SCUBE3: variants seen among roughly 807,000 people sequenced by gnomAD.
The protein encoded by SCUBE3 is signal peptide, CUB domain and EGF like domain containing 3, also known as signal peptide, CUB and EGF-like domain-containing protein 3.
Under a neutral mutation model 116.8 loss-of-function variants are expected in SCUBE3, and 33 were observed. The observed-to-expected ratio is 0.28, with a 90% CI of 0.21 to 0.38. The LOEUF is 0.38. SCUBE3 is among the 10% of genes least tolerant of loss of function. The probability of loss-of-function intolerance (pLI) is 1.00; values close to 1 mark genes in which losing one functional copy is unlikely to be tolerated. For synonymous variants in SCUBE3, 418 were observed against 496.9 expected, an observed-to-expected ratio of 0.84 and a Z score of 2.11; for missense variants, 1,007 against 1,324.8, an observed-to-expected ratio of 0.76 and a Z score of 3.72.
At position 35,228,582 on chromosome 6, in the gene SCUBE3, G is replaced by C. The variant is rs370279102; in HGVS notation, c.209-32G>C. 2 of 1,611,414 alleles carry C rather than the reference G, an allele frequency of 1.2e-6. No homozygotes were observed. The highest frequency in any genetic ancestry group is 1.7e-6 in the Non-Finnish European group (2 of 1,178,512). On this transcript the variant is annotated intron_variant, in intron 2 of 21. Coordinates refer to ENST00000274938, the MANE Select transcript of SCUBE3 (RefSeq NM_152753.4). This position sits in a 1 kb window ranked among gnomAD's most constrained non-coding sequence, Gnocchi z 4.9. Reference sequence around the variant, plus strand: ...GGGTGGACAGTGGGTTCGCAGGTGGGTTCAGCTGTCTCAGCTTCCCTTTGC... The same window carrying C: ...GGGTGGACAGTGGGTTCGCAGGTGGCTTCAGCTGTCTCAGCTTCCCTTTGC...
In SCUBE3 at chr6:35,245,027, A is replaced by G. The variant is rs1409341444; in HGVS notation, c.2402-201A>G. ...CCCTGGAGACAGTTAATGAGGAAGC[A>G]GAGACAGGTGAAGTGAGAAGAGAAG... On this transcript the variant is annotated intron_variant, in intron 18 of 21. Coordinates refer to ENST00000274938, the MANE Select transcript of SCUBE3 (RefSeq NM_152753.4). This position sits in a 1 kb window ranked among gnomAD's most constrained non-coding sequence, Gnocchi z 4.2. Among the ~76,000 whole-genome samples the G allele has an allele frequency of 6.6e-6, 1 of 152,218 alleles. No homozygotes were observed. Among genetic ancestry groups the G allele is most frequent in the Non-Finnish European group, 1.5e-5 (1 of 68,034 alleles).
At chr6:35,221,458 A>G (rs956133083) in intron 1 of SCUBE3, 1 of 152,268 alleles carries the variant, frequency 6.6e-6, no homozygotes, top group South Asian at 2.1e-4. Flanking sequence ...CTGAGGTAAC[A>G]TAGAGCAGAA....
chr6:35,242,256 C>T lies in SCUBE3; in HGVS notation c.1470C>T (p.Ala490=). 1 of 1,614,080 alleles carries T rather than the reference C, an allele frequency of 6.2e-7. No homozygotes were observed. Among genetic ancestry groups the T allele is most frequent in the South Asian group, 1.1e-5 (1 of 91,060 alleles). ...KQRASFKIKD[A]KCRLHLRNKG... is the part of the protein sequence containing the mutation. ...GGGCCTCCTTCAAGATCAAGGATGC[C>T]AAATGCCGTTTGCACCTGCGAAACA... Residue 490 remains alanine, a synonymous_variant, in exon 13 of 22, where the codon GCC becomes GCT. Transcript: ENST00000274938.
At chr6:35,229,663 G>A (rs1226366505) in intron 3 of SCUBE3, among the ~76,000 whole-genome samples, 1 of 152,098 alleles carries the variant, frequency 6.6e-6, no homozygotes, top group African/African-American at 2.4e-5. Flanking sequence ...TTTGTCCCAG[G>A]AGCTGGATCA....
intron 1 of SCUBE3, chr6:35,222,588 C>T (rs779968644): frequency 6.6e-6 from 1 of 152,252 alleles, no homozygotes. Context: ...CACCACTCTC[C>T]CCCACCTCAA....
intron 13 of SCUBE3, 140 bp downstream of exon 13, chr6:35,242,460 C>A: frequency 2.2e-6 from 2 of 888,974 alleles, no homozygotes; most frequent in Non-Finnish European, 1.8e-6. Context: ...GGCATAGCAC[C>A]CAAGGAAGTC....
At position 35,236,295 on chromosome 6, in the gene SCUBE3, C is replaced by T. The variant is rs377176960; in HGVS notation, c.713-1607C>T. Among the ~76,000 whole-genome samples, 17 of 152,328 alleles carry T rather than the reference C, an allele frequency of 1.1e-4. No homozygotes were observed. In the South Asian group the frequency reaches 3.5e-3, roughly 32 times the overall value. On this transcript the variant is annotated intron_variant, in intron 6 of 21. Coordinates refer to ENST00000274938, the MANE Select transcript of SCUBE3 (RefSeq NM_152753.4). Reference sequence around the variant, plus strand: ...AATGCCGTCCTGCACAGGTGGGCGGCTATGCCCAGCTTTCTGTCCAGCCTG... The same window carrying T: ...AATGCCGTCCTGCACAGGTGGGCGGTTATGCCCAGCTTTCTGTCCAGCCTG...
At chr6:35,247,883 A>C (rs1044222294) in intron 21 of SCUBE3, among the ~76,000 whole-genome samples, 5 of 152,196 alleles carry the variant, frequency 3.3e-5, no homozygotes, top group Admixed American at 2.0e-4. Flanking sequence ...AAAGGCCTCT[A>C]AGGAGAAGAG....
rs1219418582 is a variant in SCUBE3, at chr6:35,242,298, G to A, written c.1512G>A (p.Glu504=). The A allele has an allele frequency of 1.2e-6, 2 of 1,613,624 alleles. No individual in the cohort carries two copies. Among genetic ancestry groups the A allele is most frequent in the Non-Finnish European group, 1.7e-6 (2 of 1,179,534 alleles). Residue 504 remains glutamate (E), a synonymous_variant, in exon 13 of 22, where the codon GAG becomes GAA. Coordinates refer to ENST00000274938, the MANE Select transcript of SCUBE3 (RefSeq NM_152753.4). The stretch of plus-strand genomic sequence containing the variant: ...TGCGAAACAAAGGCAAAACAGAGGA[G>A]GCTGGCAGAATCACAGGGCCAGGTT... ...LHLRNKGKTE[E]AGRITGPGGA... is the part of the protein sequence containing the mutation.
Position 35,239,351 on chromosome 6 carries a change from A to G in SCUBE3, c.830-401A>G, listed in dbSNP as rs9469968. The stretch of plus-strand genomic sequence containing the variant: ...CAACCCCCCGTCCTGAGGGACAGGA[A>G]AGAGATAACCCTTACCCACCAACCT... On this transcript the variant is annotated intron_variant, in intron 7 of 21. Transcript: ENST00000274938. This position sits in a 1 kb window ranked among gnomAD's most constrained non-coding sequence, Gnocchi z 4.1. 2.7e-3 allele frequency among the ~76,000 whole-genome samples: 415 copies of G among 151,968 alleles called. 3 individuals carry two copies. The highest frequency in any genetic ancestry group is 9.1e-3 in the African/African-American group (379 of 41,468).
At position 35,243,827 on chromosome 6, in the gene SCUBE3, A is replaced by C; in HGVS notation, c.2071+72A>C. 1 of 1,563,582 alleles carries C rather than the reference A, an allele frequency of 6.4e-7. No individual in the cohort carries two copies. The highest frequency in any genetic ancestry group is 8.8e-7 in the Non-Finnish European group (1 of 1,141,544). Reference sequence around the variant, plus strand: ...GATGCCCATGGGCATGGGATTTCCCAAAGGGCAGGCCCAGGCTCCAGGCCA... The same window carrying C: ...GATGCCCATGGGCATGGGATTTCCCCAAGGGCAGGCCCAGGCTCCAGGCCA... On this transcript the variant is annotated intron_variant, in intron 16 of 21. Transcript: ENST00000274938. This position sits in a 1 kb window ranked among gnomAD's most constrained non-coding sequence, Gnocchi z 6.6.
In SCUBE3 at chr6:35,240,489, G is replaced by T; in HGVS notation, c.1068G>T (p.Gly356=). ...TGTTGTATGGTATCACCCACTGTGGGGGTAAGCTAGTAAGCTTGCACCCCC... is the reference window on the plus strand; with the variant it reads ...TGTTGTATGGTATCACCCACTGTGGTGGTAAGCTAGTAAGCTTGCACCCCC... ...GYLLYGITHC[G]DVDECSINRG... The change falls in exon 9 of 22, where the codon GGG becomes GGT. Residue 356 remains glycine, a splice_region_variant and synonymous_variant. Transcript: ENST00000274938. The surrounding 1 kb of genome is among the most constrained non-coding windows in gnomAD (Gnocchi z 4.6). The T allele has an allele frequency of 6.4e-7, 1 of 1,551,774 alleles. No homozygotes were observed. Among genetic ancestry groups the T allele is most frequent in the Non-Finnish European group, 8.8e-7 (1 of 1,132,090 alleles).
rs1247536521 is a variant in SCUBE3, at chr6:35,250,515, C to A, written c.*1810C>A. On this transcript the variant is annotated 3_prime_UTR_variant, in exon 22 of 22. Transcript: ENST00000274938. Reference sequence around the variant, plus strand: ...AAGTTGACTTCAAGCTTAGCTTCCTCAACTACTGTTTTTCAGAAGGAAGAA... The same window carrying A: ...AAGTTGACTTCAAGCTTAGCTTCCTAAACTACTGTTTTTCAGAAGGAAGAA... 1 of 152,170 alleles carries A rather than the reference C, an allele frequency of 6.6e-6. No homozygotes were observed. Among genetic ancestry groups the A allele is most frequent in the Non-Finnish European group, 1.5e-5 (1 of 68,036 alleles). The allele number at this position is 152,170 out of a possible 1,614,324, so 9.4% of individuals were successfully genotyped here.
chr6:35,214,542 G>T lies in SCUBE3; in HGVS notation c.85+39G>T. ...GGCGCGCGGCCTGGGGGCTGTCCTG[G>T]CTGCTGGGCCTCAGGGCCTAGGAGC... On this transcript the variant is annotated intron_variant, in intron 1 of 21. Transcript: ENST00000274938. This position sits in a 1 kb window ranked among gnomAD's most constrained non-coding sequence, Gnocchi z 6.3. 2.2e-6 allele frequency: 3 copies of T among 1,339,916 alleles called. No individual in the cohort carries two copies. The highest frequency in any genetic ancestry group is 1.5e-5 in the South Asian group (1 of 68,390). The allele number at this position is 1,339,916 out of a possible 1,614,324, so 83.0% of individuals were successfully genotyped here. A position where few individuals can be genotyped will look rare whatever the true frequency, so the allele number is the denominator to read the frequency against.
intron 1 of SCUBE3, among the ~76,000 whole-genome samples, chr6:35,217,979 A>C (rs1782992237): frequency 6.6e-6 from 1 of 152,192 alleles, no homozygotes; most frequent in Non-Finnish European, 1.5e-5. Context: ...CCCTGTTTTC[A>C]ACCCCTTCCT....
intron 3 of SCUBE3, among the ~76,000 whole-genome samples, chr6:35,229,645 T>G (rs1317062103): frequency 6.6e-6 from 1 of 152,184 alleles, no homozygotes; most frequent in Non-Finnish European, 1.5e-5. Context: ...CTCTCCTCAC[T>G]GATCTCCTTT....
In SCUBE3 at chr6:35,231,355, C is replaced by T. The variant is rs906991195; in HGVS notation, c.335-370C>T. 2.6e-5 allele frequency among the ~76,000 whole-genome samples: 4 copies of T among 152,200 alleles called. No homozygotes were observed. Among genetic ancestry groups the T allele is most frequent in the African/African-American group, 9.7e-5 (4 of 41,442 alleles). ...CCAGCTGCAACCCCCAGTTACCTAT[C>T]CGACCAATGTGACCAATCTCCATCC... On this transcript the variant is annotated intron_variant, in intron 3 of 21. Transcript: ENST00000274938. The surrounding 1 kb of genome is among the most constrained non-coding windows in gnomAD (Gnocchi z 4.2).
rs1299475645 is a variant in SCUBE3 at position 35,231,974 on chromosome 6, T to C, written c.469+115T>C. The C allele has an allele frequency of 5.5e-6, 5 of 905,196 alleles. No individual in the cohort carries two copies. The highest frequency in any genetic ancestry group is 8.3e-6 in the Non-Finnish European group (5 of 604,950). 56.1% of individuals were successfully genotyped at this position (905,196 alleles called of 1,614,324 possible). A position where few individuals can be genotyped will look rare whatever the true frequency, so the allele number is the denominator to read the frequency against. ...CATTCTCAACTCAGCTAGCTCCTTC[T>C]TCTCTTGTCCTTCAACTCAATCACA... On this transcript the variant is annotated intron_variant, in intron 4 of 21. Transcript: ENST00000274938. The surrounding 1 kb of genome is among the most constrained non-coding windows in gnomAD (Gnocchi z 4.2).
At chr6:35,246,405 T>C in intron 21 of SCUBE3, 120 bp downstream of exon 21, 2 of 743,854 alleles carry the variant, frequency 2.7e-6, no homozygotes, top group Admixed American at 2.4e-5. Context: ...CTCTATGAGG[T>C]AGGTGCTTTC....
Sources: gnomAD v4.1 joint callset for allele counts (sites outside exome capture counted in the v4.1 genomes callset) on GRCh38, gnomAD v4.1.1 for gene constraint, Gnocchi (gnomAD v3.1) non-coding constraint, MANE v1.5 for transcripts, NCBI Gene and HGNC (gene_info 2026-07-23, HGNC 2026-07-21) for gene names.